The following RNGTT variants were observed in gnomAD, a reference collection of about 807,000 sequenced individuals.
RNGTT encodes RNA guanylyltransferase and 5'-phosphatase, also known as mRNA-capping enzyme.
Under a neutral mutation model 79.3 loss-of-function variants are expected in RNGTT, and 33 were observed. That is an observed-to-expected ratio of 0.42 (90% CI 0.32 to 0.56). The LOEUF (loss-of-function observed/expected upper bound fraction) is 0.56. Among genes scored for constraint, RNGTT ranks in the 20% least tolerant of loss-of-function variants. The pLI, the probability that RNGTT is intolerant of heterozygous loss-of-function variation, is 0.17. For missense variants in RNGTT, 497 were observed against 739.1 expected, an observed-to-expected ratio of 0.67 and a Z score of 3.80; for synonymous variants, 222 against 235.9, an observed-to-expected ratio of 0.94 and a Z score of 0.54.
At chr6:88,948,535 G>C (rs544004952) in intron 1 of RNGTT, among the ~76,000 whole-genome samples, 60 of 149,278 alleles carry the variant, frequency 4.0e-4, no homozygotes, top group African/African-American at 1.3e-3. Context: ...CGGGAGGTGA[G>C]GGGCGCCTCT....
intron 9 of RNGTT, among the ~76,000 whole-genome samples, chr6:88,852,067 T>A (rs1021134249): frequency 6.6e-6 from 1 of 152,236 alleles, no homozygotes; most frequent in South Asian, 2.1e-4. Flanking sequence ...ACACAAAACA[T>A]ATTTAGTTCC....
intron 2 of RNGTT, among the ~76,000 whole-genome samples, chr6:88,937,273 G>T (rs896534224): frequency 5.3e-5 from 8 of 152,078 alleles, no homozygotes; most frequent in Non-Finnish European, 1.5e-5. Context: ...TTGAACCTGG[G>T]AGTGGAGGTC....
intron 13 of RNGTT, among the ~76,000 whole-genome samples, chr6:88,709,799 T>C (rs1010149372): frequency 6.6e-6 from 1 of 152,208 alleles, no homozygotes; most frequent in Non-Finnish European, 1.5e-5. Context: ...GTGGCTACCA[T>C]ATTGGAAAGT....
At chr6:88,859,758 T>G (rs1781951173) in intron 8 of RNGTT, among the ~76,000 whole-genome samples, 1 of 152,152 alleles carries the variant, frequency 6.6e-6, no homozygotes, top group Non-Finnish European at 1.5e-5. Context: ...ATAGTTGTCC[T>G]TTGCTATTGG....
intron 13 of RNGTT, among the ~76,000 whole-genome samples, chr6:88,746,493 T>A (rs560160371): frequency 6.6e-6 from 1 of 152,204 alleles, no homozygotes; most frequent in African/African-American, 2.4e-5. Context: ...TTATGTAAGA[T>A]GATTTTTCCA....
chr6:88,715,615 G>A (rs1776482866), intron 13 of RNGTT, among the ~76,000 whole-genome samples: 1 of 152,150 alleles, frequency 6.6e-6, no homozygotes, highest in Non-Finnish European at 1.5e-5. Flanking sequence ...TACCAAAACA[G>A]AGAAATAGAC....
chr6:88,830,731 A>C (rs769302764), intron 11 of RNGTT, among the ~76,000 whole-genome samples: 43 of 152,156 alleles, frequency 2.8e-4, no homozygotes, highest in Non-Finnish European at 5.6e-4. Context: ...TCAAATAGAC[A>C]CAATAAAAAA....
intron 1 of RNGTT, among the ~76,000 whole-genome samples, chr6:88,946,169 G>C (rs187239677): frequency 6.6e-6 from 1 of 152,224 alleles, no homozygotes; most frequent in African/African-American, 2.4e-5. Context: ...TACTCATTTT[G>C]TGTCTGTGCC....
chr6:88,743,550 A>T (rs1777564611), intron 13 of RNGTT, among the ~76,000 whole-genome samples: 2 of 152,224 alleles, frequency 1.3e-5, no homozygotes, highest in Non-Finnish European at 2.9e-5. Context: ...TAGGCATCTC[A>T]TATAAATGGA....
chr6:88,670,647 G>A (rs1047635704), intron 14 of RNGTT, among the ~76,000 whole-genome samples: 3 of 152,152 alleles, frequency 2.0e-5, no homozygotes, highest in South Asian at 2.1e-4. Flanking sequence ...TGACCTAACC[G>A]CTTGTGCTAT....
At chr6:88,643,401 T>C (rs2127774051) in intron 14 of RNGTT, among the ~76,000 whole-genome samples, 1 of 152,268 alleles carries the variant, frequency 6.6e-6, no homozygotes, top group South Asian at 2.1e-4. Flanking sequence ...ACAATAATAA[T>C]GGGAGACTTT....
intron 13 of RNGTT, among the ~76,000 whole-genome samples, chr6:88,718,354 T>A (rs1158115405): frequency 2.0e-5 from 3 of 146,350 alleles, no homozygotes; most frequent in Non-Finnish European, 4.5e-5. Context: ...GCCACTGCAC[T>A]CCGGCCTAGG....
intron 14 of RNGTT, among the ~76,000 whole-genome samples, chr6:88,674,935 A>G (rs1774805132): frequency 6.6e-6 from 1 of 151,974 alleles, no homozygotes; most frequent in Admixed American, 6.6e-5. Flanking sequence ...CAGCTCTACT[A>G]AAAATACAAA....
intron 11 of RNGTT, among the ~76,000 whole-genome samples, chr6:88,812,376 T>A (rs73498419): frequency 6.6e-6 from 1 of 152,172 alleles, no homozygotes; most frequent in Non-Finnish European, 1.5e-5. Context: ...AATCCCTTCA[T>A]AGATCCACAA....
At chr6:88,704,400 G>C (rs961452508) in intron 13 of RNGTT, among the ~76,000 whole-genome samples, 2 of 151,510 alleles carry the variant, frequency 1.3e-5, no homozygotes, top group African/African-American at 2.4e-5. Context: ...AACAATAAAA[G>C]GTATGTCATG....
At chr6:88,662,321 T>G (rs568929337) in intron 14 of RNGTT, among the ~76,000 whole-genome samples, 1 of 152,354 alleles carries the variant, frequency 6.6e-6, no homozygotes, top group East Asian at 1.9e-4. Flanking sequence ...AGACATTGTA[T>G]GAGGAAGACT....
At chr6:88,667,271 A>G (rs1181232761) in intron 14 of RNGTT, among the ~76,000 whole-genome samples, 3 of 152,186 alleles carry the variant, frequency 2.0e-5, no homozygotes, top group Non-Finnish European at 4.4e-5. Context: ...ACCAGACAGA[A>G]GAGTAGCCAT....
At chr6:88,787,963 G>A (rs1021862229) in intron 12 of RNGTT, among the ~76,000 whole-genome samples, 1 of 152,164 alleles carries the variant, frequency 6.6e-6, no homozygotes, top group Non-Finnish European at 1.5e-5. Context: ...TTGTATGTCT[G>A]CTTATTTGAT....
intron 8 of RNGTT, among the ~76,000 whole-genome samples, chr6:88,857,879 T>TA (rs1430079949): frequency 6.6e-6 from 1 of 152,092 alleles, no homozygotes; most frequent in East Asian, 1.9e-4. Flanking sequence ...TTTTTAGAAA[T>TA]AAACACAAAT....
Sources: gnomAD v4.1 joint callset for allele counts (sites outside exome capture counted in the v4.1 genomes callset) on GRCh38, gnomAD v4.1.1 for gene constraint, MANE v1.5 for transcripts, NCBI Gene and HGNC (gene_info 2026-07-23, HGNC 2026-07-21) for gene names.